HK1: variants seen among roughly 807,000 people sequenced by gnomAD.
HK1 encodes hexokinase 1.
In HK1, 28 loss-of-function variants were observed where a neutral mutation model predicts 91.6. The ratio of observed to expected loss-of-function variants is 0.31; its 90% CI spans 0.23 to 0.42. HK1 has a LOEUF of 0.42. Among genes scored for constraint, HK1 ranks in the 10% least tolerant of loss-of-function variants. HK1 has a pLI of 1.00. For synonymous variants in HK1, 430 were observed against 468.1 expected, an observed-to-expected ratio of 0.92 and a Z score of 1.05; for missense variants, 770 against 1,219.8, an observed-to-expected ratio of 0.63 and a Z score of 5.49.
rs571893796 is a variant in HK1 at position 69,287,693 on chromosome 10, A to G, written c.-214-978A>G. On this transcript the variant is annotated intron_variant, in intron 2 of 21. Coordinates refer to the HK1 transcript ENST00000360289. ...TGGAATTAGTGATGATGGTTGCACA[A>G]CCTTATGAATATACAGAAAACCACT... Among the ~76,000 whole-genome samples the G allele has an allele frequency of 3.3e-5, 5 of 152,238 alleles. No individual in the cohort carries two copies. In the South Asian group the frequency reaches 1.0e-3, roughly 32 times the overall value.
rs10998698 is a variant in HK1 at position 69,290,201 on chromosome 10, C to A, written c.-115+1431C>A. Among the ~76,000 whole-genome samples, 17 of 152,244 alleles carry A rather than the reference C, an allele frequency of 1.1e-4. No individual in the cohort carries two copies. The East Asian group carries it at 3.1e-3, about 28-fold the overall frequency. On this transcript the variant is annotated intron_variant, in intron 3 of 21. Transcript: ENST00000360289. ...CCCTGAGCCCAGAACACTCTCAGAG[C>A]CCCATTTAAATCACTGCAGTGGCCT...
chr10:69,391,129 G>C (rs117548401), intron 14 of HK1, among the ~76,000 whole-genome samples: 235 of 152,346 alleles, frequency 1.5e-3, no homozygotes, highest in Non-Finnish European at 2.1e-3. Flanking sequence ...GGTTGCATGT[G>C]TGCGGTGTGT....
chr10:69,299,723 G>A lies in HK1; in HGVS notation c.-66-1046G>A, dbSNP rs993333667. Among the ~76,000 whole-genome samples, 27 of 150,348 alleles carry A rather than the reference G, an allele frequency of 1.8e-4. 2 individuals are homozygous for A. The highest frequency in any genetic ancestry group is 5.2e-4 in the African/African-American group (21 of 40,396). On this transcript the variant is annotated intron_variant, in intron 4 of 21. Coordinates refer to the HK1 transcript ENST00000360289. The stretch of plus-strand genomic sequence containing the variant: ...GTTGCCTGGGCTGGAGTGCAGTGGC[G>A]CAATCTCGGCTCACTGCAACCTCTG...
chr10:69,276,599 C>T (rs1322056880), intron 1 of HK1, among the ~76,000 whole-genome samples: 1 of 151,902 alleles, frequency 6.6e-6, no homozygotes, highest in African/African-American at 2.4e-5. Context: ...GCGGAGGTTG[C>T]AGTGAGCTGA....
intron 15 of HK1, 133 bp downstream of exon 15, chr10:69,392,441 C>T (rs1839937580): frequency 4.4e-6 from 4 of 906,594 alleles, no homozygotes; most frequent in Non-Finnish European, 7.0e-6. Flanking sequence ...GACCCCCTGG[C>T]TCACTCCTGA....
At chr10:69,368,684 G>A (rs920631178) in intron 5 of HK1, 53 bp downstream of exon 5, 2 of 1,419,150 alleles carry the variant, frequency 1.4e-6, no homozygotes, top group East Asian at 2.3e-5. Flanking sequence ...GGGGAGCAGG[G>A]CTGCATTCTA....
In HK1 at chr10:69,384,410, AAG is replaced by A; in HGVS notation, c.1652_1653del (p.Arg551AsnfsTer14). 6.2e-7 allele frequency: 1 copy of A among 1,614,170 alleles called. No homozygotes were observed. Among genetic ancestry groups the A allele is most frequent in the Non-Finnish European group, 8.5e-7 (1 of 1,180,028 alleles). On this transcript the variant is annotated frameshift_variant, in exon 11 of 18. Coordinates refer to ENST00000359426, the MANE Select transcript of HK1 (RefSeq NM_000188.3). LOFTEE classifies it high-confidence loss of function. ...GCTGGTGAAAATCCGTAGTGGGAAA[AAG>A]AGAACGGTGGAAATGCACAACAAGA... ...VLLVKIRSGK[K>X]RTVEMHNKIY...
chr10:69,391,664 G>A (rs966635424), intron 14 of HK1, among the ~76,000 whole-genome samples: 1 of 152,064 alleles, frequency 6.6e-6, no homozygotes, highest in African/African-American at 2.4e-5. Context: ...AAGAAAATAA[G>A]TGAATATCTA....
chr10:69,382,037 T>C (rs1288975558), intron 9 of HK1, among the ~76,000 whole-genome samples: 1 of 152,250 alleles, frequency 6.6e-6, no homozygotes, highest in East Asian at 1.9e-4. Context: ...CCTCTCTGCA[T>C]TTGCTAACTT....
intron 13 of HK1, 171 bp downstream of exon 13, chr10:69,386,589 C>T (rs41279662): frequency 0.16 from 79,934 of 498,492 alleles, 8,338 homozygotes; most frequent in East Asian, 0.41. Flanking sequence ...CTAGACCAGC[C>T]CGGGCAATAT....
intron 5 of HK1, among the ~76,000 whole-genome samples, chr10:69,302,018 G>C (rs1305726678): frequency 6.6e-6 from 1 of 152,102 alleles, no homozygotes; most frequent in Non-Finnish European, 1.5e-5. Flanking sequence ...GGCCGAAACA[G>C]GTGGATCACC....
At chr10:69,297,881 G>C (rs1364277449) in intron 4 of HK1, among the ~76,000 whole-genome samples, 1 of 137,204 alleles carries the variant, frequency 7.3e-6, no homozygotes, top group Non-Finnish European at 1.6e-5. Context: ...GGGCCACAGA[G>C]TGAAACTCTG....
At chr10:69,326,115 T>G (rs1047110976) in intron 1 of HK1, among the ~76,000 whole-genome samples, 10 of 151,272 alleles carry the variant, frequency 6.6e-5, no homozygotes, top group African/African-American at 1.9e-4. Context: ...ATTACAGACG[T>G]GAGCCACCGC....
chr10:69,314,828 C>T (rs1846555766), upstream of HK1, among the ~76,000 whole-genome samples: 1 of 152,140 alleles, frequency 6.6e-6, no homozygotes, highest in African/African-American at 2.4e-5. Context: ...CCACTATGCC[C>T]AGCTAATTTT....
At chr10:69,314,504 C>T (rs1296737539), upstream of HK1, among the ~76,000 whole-genome samples, 4 of 152,180 alleles carry the variant, frequency 2.6e-5, no homozygotes, top group East Asian at 5.8e-4. Flanking sequence ...TTCTAAGATG[C>T]TCCAATGGTT....
chr10:69,389,966 C>T (rs1057476512), intron 14 of HK1, among the ~76,000 whole-genome samples: 1 of 152,136 alleles, frequency 6.6e-6, no homozygotes, highest in Non-Finnish European at 1.5e-5. Context: ...CTGCTCCTCG[C>T]GTCAGGGGAT....
At chr10:69,383,046 C>T (rs1167078237) in intron 10 of HK1, among the ~76,000 whole-genome samples, 1 of 152,184 alleles carries the variant, frequency 6.6e-6, no homozygotes, top group Middle Eastern at 3.2e-3. Context: ...CTGCTCAGAA[C>T]AGTGCTCTTA....
At chr10:69,391,982 A>T in intron 14 of HK1, 143 bp from the exon 15 acceptor site, 2 of 793,938 alleles carry the variant, frequency 2.5e-6, no homozygotes, top group African/African-American at 3.5e-5. Context: ...CCATTTCAAA[A>T]TTGGGAAAGA....
chr10:69,338,744 A>AGT (rs1389086172), intron 1 of HK1: 52 of 1,216,008 alleles, frequency 4.3e-5, no homozygotes, highest in Middle Eastern at 7.0e-4. Context: ...AGTGTGTGAG[A>AGT]GTGTGTGTGT....
Sources: gnomAD v4.1 joint callset for allele counts (sites outside exome capture counted in the v4.1 genomes callset) on GRCh38, gnomAD v4.1.1 for gene constraint, MANE v1.5 for transcripts, NCBI Gene and HGNC (gene_info 2026-07-23, HGNC 2026-07-21) for gene names.